NAA35: variants seen among roughly 807,000 people sequenced by gnomAD.
The protein encoded by NAA35 is N-alpha-acetyltransferase 35, NatC auxiliary subunit.
A neutral mutation model predicts 101.7 loss-of-function variants in NAA35; 18 were observed. The observed-to-expected ratio is 0.18, with a 90% CI of 0.12 to 0.26. The LOEUF (loss-of-function observed/expected upper bound fraction) is 0.26, where lower values mean the gene tolerates loss of function less well. NAA35 is among the 10% of genes least tolerant of loss of function. The pLI is 1.00. For missense variants in NAA35, 601 were observed against 886.8 expected (o/e 0.68, Z 4.09); for synonymous variants, 267 against 273.1 (o/e 0.98, Z 0.22).
intron 1 of NAA35, chr9:85,941,480 C>G (rs1828510744): frequency 2.0e-6 from 2 of 985,370 alleles, no homozygotes; most frequent in Non-Finnish European, 2.4e-6. Flanking sequence ...GAGGCGACGA[C>G]CCGGCGCCGG....
chr9:85,956,268 G>A (rs1489031351), intron 2 of NAA35, 92 bp from the exon 3 acceptor site: 2 of 708,298 alleles, frequency 2.8e-6, no homozygotes, highest in Non-Finnish European at 4.4e-6. Flanking sequence ...AGTAATACAA[G>A]CACATCTTTT....
In NAA35 at chr9:86,018,691, C is replaced by A. The variant is rs1220949732; in HGVS notation, c.1915-8C>A. On this transcript the variant is annotated splice_region_variant and splice_polypyrimidine_tract_variant and intron_variant, in intron 20 of 22. Coordinates refer to ENST00000361671, the MANE Select transcript of NAA35 (RefSeq NM_024635.4). ...CGTGTTTTGAATTATACTTCCCCTT[C>A]TTTTTAGGAAATGTCTGACCTCAAT... is the stretch of plus-strand genomic sequence containing the variant. 6.2e-7 allele frequency: 1 copy of A among 1,607,232 alleles called. No homozygotes were observed. The highest frequency in any genetic ancestry group is 1.7e-5 in the Admixed American group (1 of 57,976).
intron 6 of NAA35, among the ~76,000 whole-genome samples, chr9:85,967,916 T>G (rs1360521809): frequency 2.0e-5 from 3 of 152,214 alleles, no homozygotes; most frequent in Non-Finnish European, 4.4e-5. Context: ...AGACGTTTTC[T>G]GATTTCTTTC....
intron 21 of NAA35, among the ~76,000 whole-genome samples, chr9:86,020,564 C>T (rs781507738): frequency 2.6e-5 from 4 of 152,176 alleles, no homozygotes; most frequent in Non-Finnish European, 4.4e-5. Flanking sequence ...TAAATTTTGA[C>T]TGGCCACAGT....
intron 6 of NAA35, among the ~76,000 whole-genome samples, chr9:85,967,194 G>A (rs181300557): frequency 7.2e-5 from 11 of 152,102 alleles, no homozygotes; most frequent in Non-Finnish European, 1.5e-4. Flanking sequence ...ATGCCACATA[G>A]GGTTATGGTT....
At chr9:85,951,803 G>T (rs1375986277) in intron 2 of NAA35, among the ~76,000 whole-genome samples, 1 of 152,134 alleles carries the variant, frequency 6.6e-6, no homozygotes, top group Non-Finnish European at 1.5e-5. Context: ...GGGATTACAG[G>T]TGTGCACCAC....
At chr9:85,993,587 T>G (rs1380147248) in intron 11 of NAA35, among the ~76,000 whole-genome samples, 1 of 152,202 alleles carries the variant, frequency 6.6e-6, no homozygotes, top group Non-Finnish European at 1.5e-5. Flanking sequence ...TTTTTGTTGA[T>G]TGTGGTAGTT....
chr9:85,989,985 G>A (rs1226318055), intron 11 of NAA35, among the ~76,000 whole-genome samples: 1 of 152,162 alleles, frequency 6.6e-6, no homozygotes, highest in Non-Finnish European at 1.5e-5. Context: ...GGTGCTTGTC[G>A]TAGTTCATTT....
intron 11 of NAA35, among the ~76,000 whole-genome samples, chr9:85,989,298 CT>C (rs1186333779): frequency 6.6e-6 from 1 of 151,820 alleles, no homozygotes; most frequent in Admixed American, 6.6e-5. Context: ...TGGGGAAACC[CT>C]GTCTGTAATA....
chr9:85,962,759 A>G (rs112224598), intron 6 of NAA35, among the ~76,000 whole-genome samples: 8 of 152,070 alleles, frequency 5.3e-5, no homozygotes, highest in African/African-American at 1.9e-4. Context: ...CTGTTTTTGG[A>G]TGTTGTGGGG....
At position 86,021,902 on chromosome 9, in the gene NAA35, T is replaced by C; in HGVS notation, c.2120T>C (p.Val707Ala). Reference protein sequence around the residue: ...LAGGHKKESKVPPEFDFSAHK... With the variant: ...LAGGHKKESKAPPEFDFSAHK... ...TTGAGTTTCGTTTTTCTTTAACAGG[T>C]TCCTCCTGAATTTGATTTCTCTGCT... is the stretch of plus-strand genomic sequence containing the variant. The change falls in exon 23 of 23, where the codon GTT (valine) becomes GCT (alanine). Residue 707 changes from valine (V) to alanine (A), a missense_variant and splice_region_variant. Physicochemically the swap from Val to Ala is moderately conservative, Grantham distance 64. Transcript: ENST00000361671. 6.2e-7 allele frequency: 1 copy of C among 1,612,304 alleles called. No individual in the cohort carries two copies. Among genetic ancestry groups the C allele is most frequent in the Non-Finnish European group, 8.5e-7 (1 of 1,178,820 alleles).
chr9:85,954,312 G>T (rs1222787586), intron 2 of NAA35, among the ~76,000 whole-genome samples: 2 of 152,144 alleles, frequency 1.3e-5, no homozygotes, highest in African/African-American at 4.8e-5. Flanking sequence ...TGAACTCGCG[G>T]GCTTAGGCAG....
In NAA35 at chr9:85,986,288, G is replaced by A. The variant is rs148518549; in HGVS notation, c.877+7907G>A. On this transcript the variant is annotated intron_variant, in intron 11 of 22. Transcript: ENST00000361671. ...AATGGATAACTTAAATCATAGTGGT[G>A]CTAATGCTGACTTATTTACTTGATC... Among the ~76,000 whole-genome samples the A allele has an allele frequency of 9.8e-5, 15 of 152,334 alleles. No individual in the cohort carries two copies. The East Asian group carries it at 2.9e-3, about 29-fold the overall frequency.
In NAA35 at chr9:85,979,377, A is replaced by G. The variant is rs1162017482; in HGVS notation, c.877+996A>G. Among the ~76,000 whole-genome samples the G allele has an allele frequency of 2.0e-5, 3 of 152,338 alleles. No individual in the cohort carries two copies. The East Asian group carries it at 5.8e-4, about 29-fold the overall frequency. On this transcript the variant is annotated intron_variant, in intron 11 of 22. Transcript: ENST00000361671. ...AAGGAAGGAGGAAGTAACTTGTGGA[A>G]TGCTGAGAAAAGTAAAAACTCCTTC...
At chr9:86,002,242 G>C (rs1831446143) in intron 12 of NAA35, among the ~76,000 whole-genome samples, 1 of 152,122 alleles carries the variant, frequency 6.6e-6, no homozygotes, top group African/African-American at 2.4e-5. Flanking sequence ...TTAGCCTGAT[G>C]GGGATCCCTT....
intron 22 of NAA35, 67 bp from the exon 23 acceptor site, chr9:86,021,834 G>C: frequency 8.0e-7 from 1 of 1,250,214 alleles, no homozygotes; most frequent in South Asian, 1.3e-5. Flanking sequence ...AATAAAAATA[G>C]TCTTTGTTTT....
At chr9:85,965,747 G>A (rs1343137087) in intron 6 of NAA35, among the ~76,000 whole-genome samples, 1 of 152,132 alleles carries the variant, frequency 6.6e-6, no homozygotes, top group Non-Finnish European at 1.5e-5. Context: ...AAAGTCGGGT[G>A]TAGTAAAGCA....
At chr9:86,018,941 G>A (rs749889650) in intron 21 of NAA35, 120 bp downstream of exon 21, 121 of 1,264,018 alleles carry the variant, frequency 9.6e-5, no homozygotes, top group Non-Finnish European at 1.2e-4. Flanking sequence ...AGAACTTGGC[G>A]TGTTTCTGCG....
At chr9:86,008,025 C>CA (rs1450119228) in intron 14 of NAA35, among the ~76,000 whole-genome samples, 2 of 152,044 alleles carry the variant, frequency 1.3e-5, no homozygotes, top group Non-Finnish European at 2.9e-5. Flanking sequence ...ATCTTTTATC[C>CA]AAAATGCCCT....
Sources: gnomAD v4.1 joint callset for allele counts (sites outside exome capture counted in the v4.1 genomes callset) on GRCh38, gnomAD v4.1.1 for gene constraint, MANE v1.5 for transcripts, NCBI Gene and HGNC (gene_info 2026-07-23, HGNC 2026-07-21) for gene names.